Variants in KCNMA1 observed in about 807,000 individuals in gnomAD.
The protein encoded by KCNMA1 is potassium calcium-activated channel subfamily M alpha 1, also known as Calcium-activated potassium channel subunit alpha-1.
KCNMA1 carries 29 observed loss-of-function variants against 140.0 expected under a neutral mutation model. The ratio of observed to expected loss-of-function variants is 0.21; its 90% confidence interval spans 0.15 to 0.28. The LOEUF is 0.28. KCNMA1 is among the 10% of genes least tolerant of loss of function. KCNMA1 has a pLI of 1.00. For synonymous variants in KCNMA1, 612 were observed against 611.9 expected, an observed-to-expected ratio of 1.00 and a Z score of 0.00; for missense variants, 880 against 1,602.2, an observed-to-expected ratio of 0.55 and a Z score of 7.70.
At chr10:77,387,818 A>G (rs932282393) in intron 2 of KCNMA1, among the ~76,000 whole-genome samples, 8 of 152,014 alleles carry the variant, frequency 5.3e-5, no homozygotes, top group Admixed American at 1.3e-4. Context: ...GGGTTTTAGC[A>G]TGTTGGCCAG....
intron 3 of KCNMA1, among the ~76,000 whole-genome samples, chr10:77,190,963 C>A (rs1342063485): frequency 1.3e-5 from 2 of 152,128 alleles, no homozygotes; most frequent in African/African-American, 4.8e-5. Context: ...ACTCTGAAGA[C>A]TCTTAATTAT....
At chr10:76,932,191 C>T (rs113499025) in intron 23 of KCNMA1, among the ~76,000 whole-genome samples, 2,632 of 152,174 alleles carry the variant, frequency 0.017, 81 homozygotes, top group African/African-American at 0.061. Context: ...TATTTTTTCC[C>T]AGCAGATGAC....
chr10:77,215,906 C>CCT lies in KCNMA1; in HGVS notation c.603-30992_603-30991dup, dbSNP rs144962422. Among the ~76,000 whole-genome samples the CCT allele has an allele frequency of 5.5e-3, 771 of 139,050 alleles. 4 individuals carry two copies. Among genetic ancestry groups the CCT allele is most frequent in the East Asian group, 0.012 (59 of 4,896 alleles). The allele number at this position is 139,050 out of a possible 152,430, so 91.2% of individuals were successfully genotyped here. ...TCTCTCTCTCTCCTCTCTCCTCTCTCCTCTCTCTCTCTCTCTCTCTCTCTG... is the reference window on the plus strand; with the variant it reads ...TCTCTCTCTCTCCTCTCTCCTCTCTCCTCTCTCTCTCTCTCTCTCTCTCTCTG... On this transcript the variant is annotated intron_variant, in intron 3 of 27. Coordinates refer to ENST00000286628, the MANE Select transcript of KCNMA1 (RefSeq NM_001161352.2).
At chr10:77,177,242 C>A (rs1328681387) in intron 5 of KCNMA1, among the ~76,000 whole-genome samples, 1 of 152,030 alleles carries the variant, frequency 6.6e-6, no homozygotes, top group Non-Finnish European at 1.5e-5. Context: ...CTCTCTCTTT[C>A]TTCCTTCCTT....
intron 2 of KCNMA1, among the ~76,000 whole-genome samples, chr10:77,363,908 C>T (rs1340490559): frequency 1.3e-5 from 2 of 152,170 alleles, no homozygotes; most frequent in East Asian, 3.9e-4. Flanking sequence ...TTAAAATGGA[C>T]TTGTCAATAT....
chr10:77,115,337 T>C (rs2097431363), intron 6 of KCNMA1, among the ~76,000 whole-genome samples: 1 of 152,330 alleles, frequency 6.6e-6, no homozygotes. Context: ...ATTGCCAATA[T>C]TTATTGAGCC....
At chr10:76,972,758 G>A (rs1195272126) in intron 19 of KCNMA1, among the ~76,000 whole-genome samples, 1 of 152,214 alleles carries the variant, frequency 6.6e-6, no homozygotes, top group Non-Finnish European at 1.5e-5. Context: ...TCCCTGAAGA[G>A]ATGGGGGAAA....
At chr10:77,107,404 A>G (rs933104076) in intron 9 of KCNMA1, among the ~76,000 whole-genome samples, 1 of 152,214 alleles carries the variant, frequency 6.6e-6, no homozygotes, top group African/African-American at 2.4e-5. Flanking sequence ...TATGTTAAAG[A>G]TGTGTACATT....
intron 1 of KCNMA1, among the ~76,000 whole-genome samples, chr10:77,550,858 C>T (rs1275233713): frequency 1.3e-5 from 2 of 152,190 alleles, no homozygotes; most frequent in Admixed American, 6.5e-5. Flanking sequence ...CCAAGCAGTA[C>T]ATGGGCCCTA....
chr10:77,595,346 CAAAAAAAAAAAAAAAA>C (rs138290466), intron 1 of KCNMA1, among the ~76,000 whole-genome samples: 3 of 58,224 alleles, frequency 5.2e-5, no homozygotes, highest in African/African-American at 2.1e-4. Flanking sequence ...GACTCTGTCT[CAAAAAAAAAAAAAAAA>C]AAAAAAAAAG....
At chr10:76,939,533 A>T (rs1211901865) in intron 23 of KCNMA1, 1 of 152,182 alleles carries the variant, frequency 6.6e-6, no homozygotes, top group Non-Finnish European at 1.5e-5. Flanking sequence ...GTCATTGTTT[A>T]TGGGGATACC....
At chr10:76,921,357 G>T (rs887516697) in intron 23 of KCNMA1, among the ~76,000 whole-genome samples, 25 of 152,244 alleles carry the variant, frequency 1.6e-4, no homozygotes, top group African/African-American at 5.8e-4. Context: ...TCTATGAGAT[G>T]AATTAAATTT....
intron 22 of KCNMA1, among the ~76,000 whole-genome samples, chr10:76,947,272 GGTT>G (rs764643301): frequency 1.3e-5 from 2 of 152,170 alleles, no homozygotes; most frequent in Non-Finnish European, 2.9e-5. Context: ...AGGAGGTGAA[GGTT>G]GCAGTGAGCC....
intron 2 of KCNMA1, among the ~76,000 whole-genome samples, chr10:77,263,121 C>T (rs971637582): frequency 6.6e-6 from 1 of 152,168 alleles, no homozygotes; most frequent in African/African-American, 2.4e-5. Context: ...TCTCTCAATT[C>T]AATGGCAGTG....
At chr10:77,061,986 C>G (rs1406030925) in intron 14 of KCNMA1, among the ~76,000 whole-genome samples, 1 of 152,058 alleles carries the variant, frequency 6.6e-6, no homozygotes, top group African/African-American at 2.4e-5. Context: ...TCAGTGGTTG[C>G]CAGGGCCTAG....
chr10:77,326,833 TGAGTTTTCCA>T (rs918886057), intron 2 of KCNMA1, among the ~76,000 whole-genome samples: 7 of 152,148 alleles, frequency 4.6e-5, no homozygotes, highest in Non-Finnish European at 7.3e-5. Flanking sequence ...TATAAATAAA[TGAGTTTTCCA>T]GAGTTTTCCA....
intron 2 of KCNMA1, among the ~76,000 whole-genome samples, chr10:77,294,056 G>A (rs578125090): frequency 2.4e-4 from 36 of 152,348 alleles, no homozygotes; most frequent in African/African-American, 4.3e-4. Context: ...CCGCCACTGC[G>A]GTACTCAAAT....
chr10:77,190,948 T>G (rs1002471233), intron 3 of KCNMA1, among the ~76,000 whole-genome samples: 4 of 152,200 alleles, frequency 2.6e-5, no homozygotes. Flanking sequence ...TGATAATACT[T>G]AGACACTCTG....
At chr10:77,226,677 T>G (rs180827952) in intron 3 of KCNMA1, among the ~76,000 whole-genome samples, 1 of 152,318 alleles carries the variant, frequency 6.6e-6, no homozygotes, top group East Asian at 1.9e-4. Context: ...TGGCACTAAG[T>G]AATCTACAAC....
Sources: gnomAD v4.1 joint callset for allele counts (sites outside exome capture counted in the v4.1 genomes callset) on GRCh38, gnomAD v4.1.1 for gene constraint, MANE v1.5 for transcripts, NCBI Gene and HGNC (gene_info 2026-07-23, HGNC 2026-07-21) for gene names.